The following CUL2 variants were observed in gnomAD, a reference collection of about 807,000 sequenced individuals.
CUL2 encodes cullin-2.
Under a neutral mutation model 110.2 loss-of-function variants are expected in CUL2, and 22 were observed. The ratio of observed to expected loss-of-function variants is 0.20; its 90% CI spans 0.14 to 0.28. The LOEUF (loss-of-function observed/expected upper bound fraction) is 0.28. CUL2 is among the 10% of genes least tolerant of loss of function. The pLI, the probability that CUL2 is intolerant of heterozygous loss-of-function variation, is 1.00. For missense variants in CUL2, 631 were observed against 905.5 expected, an observed-to-expected ratio of 0.70 and a Z score of 3.89; for synonymous variants, 279 against 293.2, an observed-to-expected ratio of 0.95 and a Z score of 0.49.
intron 10 of CUL2, 26 bp from the exon 11 acceptor site, chr10:35,033,299 C>A (rs768674595): frequency 1.3e-6 from 2 of 1,505,806 alleles, no homozygotes; most frequent in Non-Finnish European, 9.2e-7. Flanking sequence ...AAGTACAAAA[C>A]CACATTTTAA....
intron 4 of CUL2, among the ~76,000 whole-genome samples, chr10:35,055,396 G>A (rs944536159): frequency 5.3e-5 from 8 of 152,088 alleles, no homozygotes; most frequent in African/African-American, 1.7e-4. Flanking sequence ...AATTAAAAAC[G>A]AAGACAACCA....
chr10:35,039,431 T>G (rs1172087491), intron 8 of CUL2, among the ~76,000 whole-genome samples: 1 of 152,190 alleles, frequency 6.6e-6, no homozygotes, highest in African/African-American at 2.4e-5. Context: ...ATCTCTGTTA[T>G]GAATAACTAT....
At chr10:35,102,977 A>T (rs553648427) in intron 1 of CUL2, among the ~76,000 whole-genome samples, 1 of 152,156 alleles carries the variant, frequency 6.6e-6, no homozygotes, top group Non-Finnish European at 1.5e-5. Flanking sequence ...AAGTTGAACA[A>T]TGCTGCCTGT....
chr10:35,120,501 A>G (rs1476851555), intron 1 of CUL2: 2 of 152,234 alleles, frequency 1.3e-5, no homozygotes, highest in Non-Finnish European at 2.9e-5. Flanking sequence ...TGATGGCACT[A>G]TAACCTACAA....
Position 35,035,127 on chromosome 10 carries a change from G to A in CUL2, c.1002+45C>T, listed in dbSNP as rs759639903. 8 of 1,610,306 alleles carry A rather than the reference G, an allele frequency of 5.0e-6. No homozygotes were observed. In the Admixed American group the frequency reaches 8.3e-5, roughly 17 times the overall value. ...AAAGTCAAAGGAAAGGCTCCACGCT[G>A]GATCTGATTAGGAGGAAAACATTGC... On this transcript the variant is annotated intron_variant, in intron 10 of 20. Coordinates refer to ENST00000374749, the MANE Select transcript of CUL2 (RefSeq NM_003591.4).
intron 8 of CUL2, among the ~76,000 whole-genome samples, chr10:35,044,051 C>CAAAAA (rs534515519): frequency 4.6e-5 from 4 of 87,816 alleles, no homozygotes; most frequent in Admixed American, 1.4e-4. Flanking sequence ...ACCACATCTC[C>CAAAAA]AAAAAAAAAA....
At chr10:35,078,408 G>A (rs189051178) in intron 1 of CUL2, among the ~76,000 whole-genome samples, 2 of 150,790 alleles carry the variant, frequency 1.3e-5, no homozygotes, top group East Asian at 3.9e-4. Flanking sequence ...CAATTCTCCT[G>A]CCTCAGCCTC....
chr10:35,089,730 G>A lies in CUL2; in HGVS notation c.-23+449C>T, dbSNP rs868054406. Among the ~76,000 whole-genome samples the A allele has an allele frequency of 9.9e-5, 15 of 152,238 alleles. 2 individuals carry two copies. The South Asian group carries it at 2.9e-3, about 29-fold the overall frequency. ...GACAAGAAGTCTAGCATGCACGTAG[G>A]ATACTCCTCCCCAAAGCTATCAATC... is the stretch of plus-strand genomic sequence containing the variant. On this transcript the variant is annotated intron_variant, in intron 1 of 20. Transcript: ENST00000374749.
At chr10:35,014,076 A>G (rs2084968604) in intron 18 of CUL2, among the ~76,000 whole-genome samples, 1 of 152,196 alleles carries the variant, frequency 6.6e-6, no homozygotes, top group Non-Finnish European at 1.5e-5. Context: ...TATATACACT[A>G]CTTTTTGATA....
At chr10:35,014,218 A>C (rs1172590568) in intron 18 of CUL2, among the ~76,000 whole-genome samples, 1 of 152,204 alleles carries the variant, frequency 6.6e-6, no homozygotes, top group Non-Finnish European at 1.5e-5. Flanking sequence ...CAGTAACAAA[A>C]TACCCACTGT....
At chr10:35,123,980 AG>A (rs2087708851) in intron 1 of CUL2, among the ~76,000 whole-genome samples, 1 of 152,246 alleles carries the variant, frequency 6.6e-6, no homozygotes, top group African/African-American at 2.4e-5. Context: ...AGGGAGACAA[AG>A]ATGAGTGAAA....
intron 17 of CUL2, among the ~76,000 whole-genome samples, chr10:35,019,972 C>T (rs1463471970): frequency 7.2e-5 from 11 of 151,770 alleles, no homozygotes; most frequent in African/African-American, 7.2e-5. Context: ...TGGTGGTTAC[C>T]GCCTTCATCA....
Position 35,114,486 on chromosome 10 carries a change from G to A in CUL2, c.-51+12119C>T, listed in dbSNP as rs540558889. Reference sequence around the variant, plus strand: ...CAACTTCTGCCTCCCAGGTTCCAGCGATTCTCCTGCCTCAGCCTCCCGAGT... The same window carrying A: ...CAACTTCTGCCTCCCAGGTTCCAGCAATTCTCCTGCCTCAGCCTCCCGAGT... On this transcript the variant is annotated intron_variant, in intron 1 of 5. Transcript: ENST00000685421. Among the ~76,000 whole-genome samples, 11 of 150,332 alleles carry A rather than the reference G, an allele frequency of 7.3e-5. No individual in the cohort carries two copies. The South Asian group carries it at 8.5e-4, about 12-fold the overall frequency.
chr10:35,079,758 A>G lies in CUL2; in HGVS notation c.-22-8419T>C, dbSNP rs962576048. 3.2e-5 allele frequency: 5 copies of G among 154,768 alleles called. No homozygotes were observed. The Admixed American group carries it at 3.3e-4, about 10-fold the overall frequency. 9.6% of individuals were successfully genotyped at this position (154,768 alleles called of 1,614,324 possible). ...AACTTTCAACTTTTCGTGTAAAGGA[A>G]GCACTCTATGGCAGAAGCCTCTCTG... is the stretch of plus-strand genomic sequence containing the variant. On this transcript the variant is annotated intron_variant, in intron 1 of 20. Coordinates refer to ENST00000374749, the MANE Select transcript of CUL2 (RefSeq NM_003591.4).
rs565829822 is a variant in CUL2, at chr10:35,035,102, A to G, written c.1002+70T>C. ...TTTTTCTTTCATCTTTCAAAACAAT[A>G]AAGTCAAAGGAAAGGCTCCACGCTG... On this transcript the variant is annotated intron_variant, in intron 10 of 20. Transcript: ENST00000374749. 1.3e-4 allele frequency: 206 copies of G among 1,551,126 alleles called. 3 individuals carry two copies. In the South Asian group the frequency reaches 2.1e-3, roughly 16 times the overall value.
intron 12 of CUL2, among the ~76,000 whole-genome samples, chr10:35,032,152 G>T (rs2085495564): frequency 6.6e-6 from 1 of 152,110 alleles, no homozygotes; most frequent in Non-Finnish European, 1.5e-5. Context: ...TTTATCATCA[G>T]ATTTCCTTTA....
At chr10:35,118,734 T>C (rs1321026971) in intron 1 of CUL2, 1 of 152,240 alleles carries the variant, frequency 6.6e-6, no homozygotes, top group Non-Finnish European at 1.5e-5. Context: ...TTGGCGATCA[T>C]GTCTACCTGA....
At position 35,044,783 on chromosome 10, in the gene CUL2, A is replaced by C. The variant is rs1003887169; in HGVS notation, c.592T>G (p.Phe198Val). ...AGGAGGCTGTTTACCTTTAAGGGGA[A>C]TTTTTTCTTATACTGTTCAACATGA... ...FVHVEQYKKK[F>V]PLKFYQEIFE... The change falls in exon 7 of 21, where the codon TTC becomes GTC. Residue 198 changes from phenylalanine to valine, a missense_variant. Phe to Val is a conservative substitution (Grantham distance 50). Around this residue, in one of 3 missense-constraint regions of CUL2, gnomAD observed 338 missense variants for 442.5 expected, o/e 0.76. Transcript: ENST00000374749. 3 of 1,610,752 alleles carry C rather than the reference A, an allele frequency of 1.9e-6. No individual in the cohort carries two copies. The highest frequency in any genetic ancestry group is 2.5e-6 in the Non-Finnish European group (3 of 1,178,750).
chr10:35,117,950 T>A (rs10827487), intron 1 of CUL2, among the ~76,000 whole-genome samples: 49,124 of 152,022 alleles, frequency 0.32, 8,059 homozygotes, highest in South Asian at 0.35. Context: ...CACAGTTCCT[T>A]TCATCCCCTC....
Sources: allele counts gnomAD v4.1 joint callset (sites outside exome capture counted in the v4.1 genomes callset), GRCh38; gene constraint gnomAD v4.1.1; regional missense constraint gnomAD v4.1.1; transcripts MANE v1.5; gene names NCBI Gene and HGNC (gene_info 2026-07-23, HGNC 2026-07-21).